Variants in NAALADL2 observed in about 807,000 individuals in gnomAD.
NAALADL2 encodes inactive N-acetylated-alpha-linked acidic dipeptidase-like protein 2.
NAALADL2 carries 76 observed loss-of-function variants against 87.2 expected under a neutral mutation model. The observed-to-expected ratio is 0.87, with a 90% CI of 0.72 to 1.05. NAALADL2 has a LOEUF of 1.05. NAALADL2 is among the 50% of genes least tolerant of loss of function. The probability of loss-of-function intolerance (pLI) is 0.00; values close to 1 mark genes in which losing one functional copy is unlikely to be tolerated. For missense variants in NAALADL2, 1,089 were observed against 945.8 expected, an observed-to-expected ratio of 1.15 and a Z score of -1.99; for synonymous variants, 354 against 331.0, an observed-to-expected ratio of 1.07 and a Z score of -0.75.
intron 3 of NAALADL2, among the ~76,000 whole-genome samples, chr3:174,805,021 A>T (rs1719298476): frequency 1.3e-5 from 2 of 152,148 alleles, no homozygotes; most frequent in South Asian, 4.1e-4. Flanking sequence ...AAATGGGAAT[A>T]ATCAGAGTTT....
At chr3:175,575,579 C>T (rs1255265827) in intron 9 of NAALADL2, among the ~76,000 whole-genome samples, 2 of 152,096 alleles carry the variant, frequency 1.3e-5, no homozygotes, top group Non-Finnish European at 2.9e-5. Flanking sequence ...GCCACCACGC[C>T]CGGCCTCTTC....
intron 3 of NAALADL2, among the ~76,000 whole-genome samples, chr3:174,839,027 C>T (rs1342155415): frequency 6.6e-6 from 1 of 152,024 alleles, no homozygotes; most frequent in Admixed American, 6.6e-5. Flanking sequence ...AAAGAGAGCC[C>T]GCATAGCCAA....
At chr3:174,842,420 A>G (rs1471308430) in intron 3 of NAALADL2, among the ~76,000 whole-genome samples, 1 of 152,112 alleles carries the variant, frequency 6.6e-6, no homozygotes, top group Non-Finnish European at 1.5e-5. Flanking sequence ...TCGTTTTGGG[A>G]GACTATGAAA....
At chr3:174,808,103 T>C (rs905013024) in intron 3 of NAALADL2, among the ~76,000 whole-genome samples, 3 of 152,146 alleles carry the variant, frequency 2.0e-5, no homozygotes, top group African/African-American at 7.2e-5. Flanking sequence ...GGCAAATGAA[T>C]AATTTGGTAT....
chr3:175,244,361 G>A (rs1747560446), intron 3 of NAALADL2, among the ~76,000 whole-genome samples: 1 of 151,752 alleles, frequency 6.6e-6, no homozygotes, highest in African/African-American at 2.4e-5. Context: ...CAGTAGTCTA[G>A]ATTCACTTTC....
chr3:175,467,184 G>T lies in NAALADL2; in HGVS notation c.1533G>T (p.Glu511Asp). The T allele has an allele frequency of 6.2e-7, 1 of 1,611,092 alleles. No individual in the cohort carries two copies. The highest frequency in any genetic ancestry group is 8.5e-7 in the Non-Finnish European group (1 of 1,177,654). ...FGNIGSYEWG[E>D]DFKKVLQKNV... ...ATATTGGCTCATATGAATGGGGAGA[G>T]GTAAAGCAAAATATACATTAATTAC... The change falls in exon 8 of 14, where the codon GAG (glutamate) becomes GAT (aspartate). Residue 511 changes from glutamate (E) to aspartate (D), a missense_variant and splice_region_variant. Glu to Asp is a conservative substitution (Grantham distance 45). Transcript: ENST00000454872.
intron 5 of NAALADL2, among the ~76,000 whole-genome samples, chr3:175,377,173 C>A (rs1357212044): frequency 6.6e-6 from 1 of 151,884 alleles, no homozygotes; most frequent in South Asian, 2.1e-4. Context: ...ATTAGTTGGG[C>A]CGGTGGTGCA....
chr3:175,667,658 A>G (rs1283582563), intron 11 of NAALADL2, among the ~76,000 whole-genome samples: 2 of 152,048 alleles, frequency 1.3e-5, no homozygotes, highest in African/African-American at 2.4e-5. Context: ...AAGTTAGAAA[A>G]TGTACACCTT....
At chr3:174,459,559 A>G (rs12631086) in intron 1 of NAALADL2, 41,523 of 152,082 alleles carry the variant, frequency 0.27, 6,081 homozygotes, top group South Asian at 0.45. Flanking sequence ...TCTGCACTGG[A>G]TTTATTCAGT....
intron 12 of NAALADL2, 109 bp from the exon 13 acceptor site, chr3:175,755,111 C>T: frequency 1.2e-6 from 1 of 845,498 alleles, no homozygotes; most frequent in Admixed American, 3.1e-5. Flanking sequence ...ATTTCCTCTT[C>T]CTTCTTCAGT....
chr3:174,644,315 A>G (rs1361663405), intron 2 of NAALADL2, among the ~76,000 whole-genome samples: 3 of 152,228 alleles, frequency 2.0e-5, no homozygotes, highest in Non-Finnish European at 4.4e-5. Context: ...TATATACCAT[A>G]TTCTTACAAT....
chr3:175,331,223 AAAG>A (rs1260126447), intron 5 of NAALADL2, among the ~76,000 whole-genome samples: 1 of 152,198 alleles, frequency 6.6e-6, no homozygotes, highest in East Asian at 1.9e-4. Context: ...CTGACCTTTC[AAAG>A]AAGAATTAAC....
At chr3:175,741,137 A>G (rs569478408) in intron 12 of NAALADL2, among the ~76,000 whole-genome samples, 85 of 152,262 alleles carry the variant, frequency 5.6e-4, no homozygotes, top group African/African-American at 2.0e-3. Context: ...AAAACAAAAT[A>G]CCATAGACTG....
intron 10 of NAALADL2, among the ~76,000 whole-genome samples, chr3:175,589,029 G>A (rs962393429): frequency 6.6e-6 from 1 of 152,162 alleles, no homozygotes; most frequent in African/African-American, 2.4e-5. Context: ...TTTAGGCAAA[G>A]AAACATATTT....
At chr3:174,640,276 A>G (rs867756835) in intron 2 of NAALADL2, among the ~76,000 whole-genome samples, 18 of 152,178 alleles carry the variant, frequency 1.2e-4, no homozygotes, top group African/African-American at 4.1e-4. Context: ...GTGAGAAAAC[A>G]GGGAATTAGT....
At chr3:174,782,046 T>G (rs1323628175) in intron 3 of NAALADL2, among the ~76,000 whole-genome samples, 4 of 152,186 alleles carry the variant, frequency 2.6e-5, no homozygotes, top group African/African-American at 9.6e-5. Flanking sequence ...ACTTGATCCT[T>G]TTCTCCTTGT....
chr3:174,967,781 A>C (rs1743090166), intron 1 of NAALADL2, among the ~76,000 whole-genome samples: 3 of 152,230 alleles, frequency 2.0e-5, no homozygotes, highest in Non-Finnish European at 4.4e-5. Flanking sequence ...AAGAAAGATA[A>C]GCAGAGAAGC....
At chr3:174,885,889 T>G (rs866251745) in intron 1 of NAALADL2, among the ~76,000 whole-genome samples, 1,053 of 21,814 alleles carry the variant, frequency 0.048, 27 homozygotes, top group African/African-American at 0.2. Context: ...TTTTTTTTTT[T>G]TTTTTTTTTT....
At chr3:175,672,999 T>G (rs1407608782) in intron 11 of NAALADL2, among the ~76,000 whole-genome samples, 1 of 152,160 alleles carries the variant, frequency 6.6e-6, no homozygotes, top group Non-Finnish European at 1.5e-5. Flanking sequence ...GCCATAGTTA[T>G]TTTATGAGGA....
Sources: allele counts gnomAD v4.1 joint callset (sites outside exome capture counted in the v4.1 genomes callset), GRCh38; gene constraint gnomAD v4.1.1; transcripts MANE v1.5; gene names NCBI Gene and HGNC (gene_info 2026-07-23, HGNC 2026-07-21).